The following CHRM3 variants were observed in gnomAD, a reference collection of about 807,000 sequenced individuals.
CHRM3 encodes the protein cholinergic receptor muscarinic 3.
Under a neutral mutation model 41.8 loss-of-function variants are expected in CHRM3, and 11 were observed. That is an observed-to-expected ratio of 0.26 (90% CI 0.17 to 0.44). CHRM3 has a LOEUF of 0.44. CHRM3 is among the 20% of genes least tolerant of loss of function. CHRM3 has a pLI of 1.00. For synonymous variants in CHRM3, 297 were observed against 301.4 expected (o/e 0.99, Z 0.15); for missense variants, 571 against 745.4 (o/e 0.77, Z 2.72).
chr1:239,783,821 C>T (rs750319604), intron 5 of CHRM3, among the ~76,000 whole-genome samples: 18 of 152,216 alleles, frequency 1.2e-4, no homozygotes, highest in Non-Finnish European at 2.2e-4. Context: ...AGTGTGAGGA[C>T]GGTACTTGAT....
intron 6 of CHRM3, among the ~76,000 whole-genome samples, chr1:239,833,479 C>T (rs1388638628): frequency 6.6e-6 from 1 of 152,164 alleles, no homozygotes; most frequent in Non-Finnish European, 1.5e-5. Flanking sequence ...ACATCTTATC[C>T]TTTGGCCTTC....
At chr1:239,736,508 A>G (rs1347740658) in intron 5 of CHRM3, among the ~76,000 whole-genome samples, 2 of 152,120 alleles carry the variant, frequency 1.3e-5, no homozygotes, top group Non-Finnish European at 2.9e-5. Context: ...CACATGCATT[A>G]TACATAGGGG....
intron 5 of CHRM3, among the ~76,000 whole-genome samples, chr1:239,698,948 A>C (rs1660434790): frequency 1.3e-5 from 2 of 152,214 alleles, no homozygotes; most frequent in Non-Finnish European, 2.9e-5. Context: ...TTCTTTCAGC[A>C]TAATTCTAAA....
chr1:239,545,433 G>A (rs985334948), intron 2 of CHRM3, among the ~76,000 whole-genome samples: 2 of 152,130 alleles, frequency 1.3e-5, no homozygotes, highest in African/African-American at 2.4e-5. Context: ...AAATTCACCC[G>A]TGTAACCAAA....
At chr1:239,683,895 A>G (rs1658817494) in intron 5 of CHRM3, among the ~76,000 whole-genome samples, 1 of 152,218 alleles carries the variant, frequency 6.6e-6, no homozygotes, top group African/African-American at 2.4e-5. Context: ...TTTTAGAAAA[A>G]AAAAAGATGG....
chr1:239,634,422 G>C (rs1451834319), intron 4 of CHRM3, among the ~76,000 whole-genome samples: 3 of 135,578 alleles, frequency 2.2e-5, no homozygotes, highest in East Asian at 7.0e-4. Flanking sequence ...AAGAAGAAAA[G>C]AAAAGAGAAA....
chr1:239,632,610 T>C (rs968885112), intron 4 of CHRM3, among the ~76,000 whole-genome samples: 8 of 152,226 alleles, frequency 5.3e-5, no homozygotes, highest in African/African-American at 1.9e-4. Context: ...TTAGTACATA[T>C]ATAGGATCTT....
intron 3 of CHRM3, among the ~76,000 whole-genome samples, chr1:239,551,238 C>T (rs1659793834): frequency 7.5e-6 from 1 of 133,004 alleles, no homozygotes; most frequent in South Asian, 2.5e-4. Context: ...TCTCGGCTTA[C>T]TGCAACCTCC....
At chr1:239,560,355 T>A (rs975060571) in intron 3 of CHRM3, among the ~76,000 whole-genome samples, 14 of 152,108 alleles carry the variant, frequency 9.2e-5, no homozygotes, top group African/African-American at 3.4e-4. Flanking sequence ...TATGTTGTAA[T>A]CTTAAAAATA....
chr1:239,479,118 A>G (rs1666652616), intron 1 of CHRM3, among the ~76,000 whole-genome samples: 1 of 149,252 alleles, frequency 6.7e-6, no homozygotes, highest in African/African-American at 2.5e-5. Context: ...CAGGAGGTGG[A>G]AGTTGTAGGG....
intron 3 of CHRM3, among the ~76,000 whole-genome samples, chr1:239,615,173 C>T (rs574243745): frequency 1.3e-5 from 2 of 152,156 alleles, no homozygotes; most frequent in Non-Finnish European, 2.9e-5. Context: ...ACTTCTGGTT[C>T]CTGGACACTT....
intron 3 of CHRM3, among the ~76,000 whole-genome samples, chr1:239,611,442 G>A (rs1667026112): frequency 1.4e-5 from 1 of 72,188 alleles, no homozygotes; most frequent in African/African-American, 4.5e-5. Context: ...TTTTTTTTGA[G>A]ACGGAGTCTC....
chr1:239,771,457 C>A (rs1667664415), intron 5 of CHRM3, among the ~76,000 whole-genome samples: 1 of 152,218 alleles, frequency 6.6e-6, no homozygotes, highest in African/African-American at 2.4e-5. Context: ...AGCACCTCCA[C>A]TTCTAGCAAA....
intron 2 of CHRM3, among the ~76,000 whole-genome samples, chr1:239,522,332 C>T (rs1669705128): frequency 6.6e-6 from 1 of 152,204 alleles, no homozygotes; most frequent in Non-Finnish European, 1.5e-5. Context: ...CACCAGCCGT[C>T]ACCAACTTGC....
At chr1:239,830,101 G>T (rs1260356668) in intron 6 of CHRM3, among the ~76,000 whole-genome samples, 1 of 118,492 alleles carries the variant, frequency 8.4e-6, no homozygotes, top group Non-Finnish European at 2.0e-5. Context: ...AAAACATCAT[G>T]GATTTTCAAA....
At chr1:239,897,418 G>T (rs997621448) in intron 6 of CHRM3, among the ~76,000 whole-genome samples, 2 of 152,054 alleles carry the variant, frequency 1.3e-5, no homozygotes, top group African/African-American at 4.8e-5. Flanking sequence ...TGACATATTA[G>T]AAATATTTAG....
At chr1:239,622,535 G>A (rs1440828587) in intron 3 of CHRM3, among the ~76,000 whole-genome samples, 1 of 152,120 alleles carries the variant, frequency 6.6e-6, no homozygotes, top group African/African-American at 2.4e-5. Context: ...ATGATTTTGA[G>A]GGGTTCAAGA....
chr1:239,693,954 A>T (rs1189597004), intron 5 of CHRM3, among the ~76,000 whole-genome samples: 2 of 152,182 alleles, frequency 1.3e-5, no homozygotes, highest in African/African-American at 2.4e-5. Context: ...TATATGAATG[A>T]CAGAAAGCCA....
chr1:239,855,556 C>CTT (rs538365587), intron 6 of CHRM3, among the ~76,000 whole-genome samples: 1 of 151,368 alleles, frequency 6.6e-6, no homozygotes, highest in Admixed American at 6.6e-5. Context: ...TACTAACAGA[C>CTT]TTTTTTTTTC....
Sources: allele counts gnomAD v4.1 joint callset (sites outside exome capture counted in the v4.1 genomes callset), GRCh38; gene constraint gnomAD v4.1.1; transcripts MANE v1.5; gene names NCBI Gene and HGNC (gene_info 2026-07-23, HGNC 2026-07-21).